TPCN2: variants seen among roughly 807,000 people sequenced by gnomAD.
The protein encoded by TPCN2 is two pore segment channel 2.
Under a neutral mutation model 111.4 loss-of-function variants are expected in TPCN2, and 92 were observed. The observed-to-expected ratio is 0.83, with a 90% CI of 0.70 to 0.98. TPCN2 has a LOEUF of 0.98. TPCN2 is among the 50% of genes least tolerant of loss of function. The pLI, the probability that TPCN2 is intolerant of heterozygous loss-of-function variation, is 0.00. For synonymous variants in TPCN2, 405 were observed against 414.5 expected (o/e 0.98, Z 0.28); for missense variants, 995 against 980.1 (o/e 1.02, Z -0.20).
At chr11:69,080,600 G>C (rs1172623446) in intron 17 of TPCN2, among the ~76,000 whole-genome samples, 2 of 152,198 alleles carry the variant, frequency 1.3e-5, no homozygotes, top group Non-Finnish European at 2.9e-5. Context: ...GGGCTCCTTG[G>C]GTCTCTGTGT....
Position 69,073,040 on chromosome 11 carries a change from G to A in TPCN2, c.1230+39G>A. The A allele has an allele frequency of 2.7e-6, 4 of 1,487,076 alleles. No individual in the cohort carries two copies. In the Admixed American group the frequency reaches 5.0e-5, roughly 19 times the overall value. The allele number at this position is 1,487,076 out of a possible 1,614,324, so 92.1% of individuals were successfully genotyped here. On this transcript the variant is annotated intron_variant, in intron 13 of 24. Coordinates refer to ENST00000294309, the MANE Select transcript of TPCN2 (RefSeq NM_139075.4). ...CAGCCGCCCAGGGTGGATAGTGGGG[G>A]CCTTCCAGTTTCCCCTGCCCTTGAT...
chr11:69,060,163 C>T (rs777226688), intron 5 of TPCN2, among the ~76,000 whole-genome samples: 2 of 152,230 alleles, frequency 1.3e-5, no homozygotes, highest in Non-Finnish European at 2.9e-5. Context: ...TCTCTCTCCA[C>T]GCCCCTGTCC....
intron 1 of TPCN2, 40 bp from the exon 2 acceptor site, chr11:69,053,993 C>T: frequency 1.3e-6 from 2 of 1,577,206 alleles, no homozygotes; most frequent in Admixed American, 1.7e-5. Flanking sequence ...GAGGCCATGT[C>T]ATCCTGCTCG....
rs1306539032 is a variant in TPCN2, at chr11:69,085,835, T to C, written c.1921-13T>C. Reference sequence around the variant, plus strand: ...CCTGGGCCCTCCTGGACCGCTGGTCTCTGCCCCCGCAGGCTGCCCTGGTCA... The same window carrying C: ...CCTGGGCCCTCCTGGACCGCTGGTCCCTGCCCCCGCAGGCTGCCCTGGTCA... On this transcript the variant is annotated splice_polypyrimidine_tract_variant and intron_variant, in intron 21 of 24. Transcript: ENST00000294309. 6.2e-7 allele frequency: 1 copy of C among 1,614,136 alleles called. No homozygotes were observed. Among genetic ancestry groups the C allele is most frequent in the Non-Finnish European group, 8.5e-7 (1 of 1,179,974 alleles).
intron 1 of TPCN2, among the ~76,000 whole-genome samples, chr11:69,053,579 C>T (rs555207788): frequency 6.6e-6 from 1 of 152,166 alleles, no homozygotes; most frequent in Non-Finnish European, 1.5e-5. Context: ...ACCGAGCATG[C>T]CTGGGGAGCG....
intron 4 of TPCN2, among the ~76,000 whole-genome samples, chr11:69,056,682 G>A (rs1854786052): frequency 1.3e-5 from 2 of 148,462 alleles, no homozygotes; most frequent in Admixed American, 1.4e-4. Flanking sequence ...ACAGGCGCGT[G>A]CCACCACGCC....
intron 13 of TPCN2, among the ~76,000 whole-genome samples, chr11:69,073,202 AGGAACTAGCCT>A (rs1293553649): frequency 6.6e-6 from 1 of 152,222 alleles, no homozygotes; most frequent in East Asian, 1.9e-4. Context: ...ACCAGACCCC[AGGAACTAGCCT>A]GAGCCCAGCC....
Position 69,083,347 on chromosome 11 carries a change from G to A in TPCN2, c.1690-598G>A, listed in dbSNP as rs28373673. The A allele has an allele frequency of 7.1e-3, 1,107 of 155,808 alleles. 15 individuals carry two copies. Among genetic ancestry groups the A allele is most frequent in the African/African-American group, 0.025 (1,027 of 41,662 alleles). The allele number at this position is 155,808 out of a possible 1,614,324, so 9.7% of individuals were successfully genotyped here. ...CTGGTCTCCACTGTGGCGTTCAGCT[G>A]TGTTGTCTAGTTTGGATTCCTCAGG... On this transcript the variant is annotated intron_variant, in intron 18 of 24. Transcript: ENST00000294309.
In TPCN2 at chr11:69,078,484, C is replaced by G. The variant is rs748432767; in HGVS notation, c.1233C>G (p.His411Gln). 9.9e-6 allele frequency: 16 copies of G among 1,613,962 alleles called. No homozygotes were observed. In the South Asian group the frequency reaches 1.6e-4, roughly 17 times the overall value. Residue 411 changes from histidine to glutamine, a missense_variant and splice_region_variant, in exon 14 of 25, where the codon CAC (histidine) becomes CAG (glutamine). Physicochemically the swap from His to Gln is conservative, Grantham distance 24. Transcript: ENST00000294309. ...GAGCACGTGTGTTCCTTGCCCAGCA[C>G]CCGCCGAGGCCCGAGTACCAGTCTC... Reference protein sequence around the residue: ...NELDRSVVKEHPPRPEYQSPF... With the variant: ...NELDRSVVKEQPPRPEYQSPF...
chr11:69,086,453 A>C (rs1856279677), intron 22 of TPCN2, 70 bp from the exon 23 acceptor site: 1 of 1,280,812 alleles, frequency 7.8e-7, no homozygotes, highest in African/African-American at 1.5e-5. Context: ...GCCACGCAGC[A>C]GTGGTGTTTG....
intron 13 of TPCN2, among the ~76,000 whole-genome samples, chr11:69,077,163 C>T (rs866482714): frequency 1.9e-5 from 2 of 107,978 alleles, no homozygotes; most frequent in Admixed American, 9.1e-5. Context: ...GTCCCTCCAC[C>T]TGCCCTCCTG....
intron 4 of TPCN2, 78 bp from the exon 5 acceptor site, chr11:69,057,500 C>A: frequency 1.5e-6 from 2 of 1,356,772 alleles, no homozygotes; most frequent in Non-Finnish European, 2.1e-6. Context: ...CTGGTCCCTG[C>A]GCTGCGCACC....
chr11:69,085,627 A>G, intron 20 of TPCN2, 44 bp from the exon 21 acceptor site: 1 of 1,325,072 alleles, frequency 7.5e-7, no homozygotes, highest in Non-Finnish European at 1.1e-6. Flanking sequence ...AGGCCTCAGA[A>G]CCTGGAGCCC....
intron 2 of TPCN2, chr11:69,054,506 G>A (rs1854654539): frequency 3.4e-6 from 2 of 589,206 alleles, no homozygotes; most frequent in Admixed American, 5.7e-5. Flanking sequence ...ACCCACCCCG[G>A]GTGTGTGGCC....
At chr11:69,060,073 C>T (rs1343492329) in intron 5 of TPCN2, among the ~76,000 whole-genome samples, 1 of 152,234 alleles carries the variant, frequency 6.6e-6, no homozygotes, top group Non-Finnish European at 1.5e-5. Context: ...CTCCTTAGGC[C>T]ACGTGCCCTG....
Position 69,049,079 on chromosome 11 carries a change from A to G in TPCN2, c.82A>G (p.Thr28Ala). The G allele has an allele frequency of 2.4e-6, 3 of 1,242,292 alleles. No homozygotes were observed. Among genetic ancestry groups the G allele is most frequent in the Non-Finnish European group, 3.0e-6 (3 of 988,054 alleles). The allele number at this position is 1,242,292 out of a possible 1,614,324, so 77.0% of individuals were successfully genotyped here. The change falls in exon 1 of 25, where the codon ACT becomes GCT. Residue 28 changes from threonine (T) to alanine (A), a missense_variant. Transcript: ENST00000294309. ...GGGDWPAGLT[T>A]YRSIQVGPGA... ...CGGCGACTGGCCGGCGGGGCTGACC[A>G]CTTACCGCAGCATCCAAGTCGGCCC...
chr11:69,051,786 C>T (rs1304802550), intron 1 of TPCN2, among the ~76,000 whole-genome samples: 1 of 152,178 alleles, frequency 6.6e-6, no homozygotes, highest in East Asian at 1.9e-4. Context: ...GATGGTGCTC[C>T]TGGCAGAAGC....
At chr11:69,065,648 G>A (rs754018267) in intron 7 of TPCN2, among the ~76,000 whole-genome samples, 5 of 152,188 alleles carry the variant, frequency 3.3e-5, no homozygotes, top group Non-Finnish European at 5.9e-5. Context: ...TGGGTGCAGC[G>A]GCCGCCTTGC....
chr11:69,076,498 A>C (rs1855754949), intron 13 of TPCN2, among the ~76,000 whole-genome samples: 1 of 151,728 alleles, frequency 6.6e-6, no homozygotes, highest in African/African-American at 2.4e-5. Context: ...TTAACACCAC[A>C]CTCCGATCCA....
Sources: allele counts gnomAD v4.1 joint callset (sites outside exome capture counted in the v4.1 genomes callset), GRCh38; gene constraint gnomAD v4.1.1; transcripts MANE v1.5; gene names NCBI Gene and HGNC (gene_info 2026-07-23, HGNC 2026-07-21).